MGST2: variants seen among roughly 807,000 people sequenced by gnomAD.
The protein encoded by MGST2 is glutathione peroxidase MGST2.
In MGST2, 9 loss-of-function variants were observed where a neutral mutation model predicts 16.6. That is an observed-to-expected ratio of 0.54 (90% CI 0.33 to 0.95). The LOEUF (loss-of-function observed/expected upper bound fraction) is 0.95. MGST2 is among the 40% of genes least tolerant of loss of function. The probability of loss-of-function intolerance (pLI) is 0.03; values close to 1 mark genes in which losing one functional copy is unlikely to be tolerated. For missense variants in MGST2, 159 were observed against 175.1 expected, an observed-to-expected ratio of 0.91 and a Z score of 0.52; for synonymous variants, 79 against 68.0, an observed-to-expected ratio of 1.16 and a Z score of -0.79.
chr4:139,747,364 T>C, the MGST2 span, among the ~76,000 whole-genome samples: 1 of 152,208 alleles, frequency 6.6e-6, no homozygotes, highest in Non-Finnish European at 1.5e-5. Context: ...TCTCTTTAGT[T>C]AGAGAATGAA....
chr4:139,710,995 G>A (rs545271599), intron 5 of MGST2, among the ~76,000 whole-genome samples: 22 of 151,824 alleles, frequency 1.4e-4, no homozygotes, highest in Admixed American at 9.2e-4. Flanking sequence ...CCAAAATAGG[G>A]GGCTCCTTTA....
At chr4:139,672,476 G>T (rs1560735219) in intron 1 of MGST2, among the ~76,000 whole-genome samples, 1 of 152,082 alleles carries the variant, frequency 6.6e-6, no homozygotes, top group Non-Finnish European at 1.5e-5. Context: ...TGGAGCCCAG[G>T]GTTGGAGACA....
chr4:139,748,663 T>G, the MGST2 span, among the ~76,000 whole-genome samples: 3 of 152,262 alleles, frequency 2.0e-5, no homozygotes, highest in East Asian at 5.8e-4. Flanking sequence ...TTCTATAGTC[T>G]ATATGTTTCT....
intron 5 of MGST2, among the ~76,000 whole-genome samples, chr4:139,716,156 C>T (rs1222177195): frequency 1.3e-5 from 2 of 151,792 alleles, no homozygotes; most frequent in African/African-American, 4.8e-5. Context: ...TCAGACAAGT[C>T]AACTGGGCTT....
intron 5 of MGST2, among the ~76,000 whole-genome samples, chr4:139,729,855 C>T (rs1369509987): frequency 6.6e-6 from 1 of 152,150 alleles, no homozygotes; most frequent in African/African-American, 2.4e-5. Flanking sequence ...GTTTTAAAAG[C>T]TGTGGGGAGT....
intron 5 of MGST2, chr4:139,716,696 T>G (rs1727980804): frequency 2.6e-5 from 4 of 152,578 alleles, no homozygotes; most frequent in Admixed American, 2.6e-4. Context: ...GAATAATATG[T>G]CTGCTTAATT....
At chr4:139,728,339 G>A (rs1282594589) in intron 5 of MGST2, among the ~76,000 whole-genome samples, 2 of 152,202 alleles carry the variant, frequency 1.3e-5, no homozygotes, top group African/African-American at 4.8e-5. Flanking sequence ...GCTGGGCCAT[G>A]TGGCTGCAGC....
chr4:139,719,177 C>G (rs766252588), intron 5 of MGST2: 20 of 909,452 alleles, frequency 2.2e-5, no homozygotes, highest in African/African-American at 3.4e-5. Context: ...GGATTGGCAC[C>G]TGGATCTTCC....
At chr4:139,737,245 A>G (rs139311845) in intron 5 of MGST2, among the ~76,000 whole-genome samples, 9 of 152,194 alleles carry the variant, frequency 5.9e-5, no homozygotes, top group African/African-American at 2.2e-4. Context: ...TGTAACACTT[A>G]TGGGGCACCT....
intron 2 of MGST2, among the ~76,000 whole-genome samples, chr4:139,686,515 G>C (rs534456352): frequency 6.6e-6 from 1 of 152,266 alleles, no homozygotes; most frequent in South Asian, 2.1e-4. Flanking sequence ...AGATGGTTGG[G>C]GGGCCTTAGA....
chr4:139,731,957 A>G (rs1248590726), intron 5 of MGST2, among the ~76,000 whole-genome samples: 1 of 152,200 alleles, frequency 6.6e-6, no homozygotes, highest in Non-Finnish European at 1.5e-5. Context: ...AGTGGCAAGT[A>G]TGTTCTGAAC....
At chr4:139,732,008 A>C (rs1728746574) in intron 5 of MGST2, among the ~76,000 whole-genome samples, 1 of 152,240 alleles carries the variant, frequency 6.6e-6, no homozygotes, top group South Asian at 2.1e-4. Flanking sequence ...AGTTTCAAGT[A>C]ATTAATGTGA....
At chr4:139,730,726 G>T in intron 5 of MGST2, 1 of 1,494,062 alleles carries the variant, frequency 6.7e-7, no homozygotes, top group African/African-American at 1.4e-5. Flanking sequence ...ACTGCTGTTT[G>T]AAGGGAAGCC....
the MGST2 span, among the ~76,000 whole-genome samples, chr4:139,750,774 T>C: frequency 1.3e-5 from 2 of 152,234 alleles, no homozygotes; most frequent in Admixed American, 1.3e-4. Context: ...AAGTTAGCGA[T>C]AGATTTTCAT....
intron 2 of MGST2, among the ~76,000 whole-genome samples, chr4:139,681,839 C>A (rs1273856482): frequency 6.6e-6 from 1 of 152,016 alleles, no homozygotes; most frequent in Non-Finnish European, 1.5e-5. Flanking sequence ...AAAATCCTTG[C>A]CCTCTTGGAG....
chr4:139,734,160 G>A (rs967376587), intron 5 of MGST2, among the ~76,000 whole-genome samples: 1 of 152,154 alleles, frequency 6.6e-6, no homozygotes, highest in Admixed American at 6.5e-5. Context: ...TAAGCTGGCC[G>A]AGGCCACTAA....
chr4:139,730,832 G>A lies in MGST2; in HGVS notation c.*49-9380G>A, dbSNP rs77045340. On this transcript the variant is annotated intron_variant, in intron 5 of 5. Coordinates refer to the MGST2 transcript ENST00000616265. ...TTTCCATAAACGTAGCTTCAAACCCGACCTTACCTGAGTAGAATGAGAGAG... is the reference window on the plus strand; with the variant it reads ...TTTCCATAAACGTAGCTTCAAACCCAACCTTACCTGAGTAGAATGAGAGAG... 12 of 634,964 alleles carry A rather than the reference G, an allele frequency of 1.9e-5. No homozygotes were observed. The East Asian group carries it at 2.7e-4, about 14-fold the overall frequency. 39.3% of individuals were successfully genotyped at this position (634,964 alleles called of 1,614,324 possible). A position where few individuals can be genotyped will look rare whatever the true frequency, so the allele number is the denominator to read the frequency against.
the MGST2 span, among the ~76,000 whole-genome samples, chr4:139,745,825 T>C: frequency 6.6e-6 from 1 of 152,226 alleles, no homozygotes; most frequent in Non-Finnish European, 1.5e-5. Context: ...AGTAGGTATA[T>C]ACTGTGAATA....
chr4:139,753,074 C>T, the MGST2 span, among the ~76,000 whole-genome samples: 1 of 152,162 alleles, frequency 6.6e-6, no homozygotes, highest in Non-Finnish European at 1.5e-5. Context: ...GGAGAGGGCT[C>T]AGCCAGTGAA....
Sources: allele counts gnomAD v4.1 joint callset (sites outside exome capture counted in the v4.1 genomes callset), GRCh38; gene constraint gnomAD v4.1.1; transcripts MANE v1.5; gene names NCBI Gene and HGNC (gene_info 2026-07-23, HGNC 2026-07-21).